Variants in ABLIM1 observed in about 807,000 individuals in gnomAD.
ABLIM1 encodes the protein actin binding LIM protein 1, also known as actin-binding LIM protein 1.
ABLIM1 carries 40 observed loss-of-function variants against 107.0 expected under a neutral mutation model. That is an observed-to-expected ratio of 0.37 (90% CI 0.29 to 0.49). The LOEUF is 0.49. Ranked by LOEUF, ABLIM1 falls within the 20% of genes least tolerant of loss-of-function variation. The probability of loss-of-function intolerance (pLI) is 0.97; values close to 1 mark genes in which losing one functional copy is unlikely to be tolerated. For missense variants in ABLIM1, 857 were observed against 1,008.5 expected, an observed-to-expected ratio of 0.85 and a Z score of 2.04; for synonymous variants, 357 against 357.3, an observed-to-expected ratio of 1.00 and a Z score of 0.01.
At chr10:114,675,170 G>T (rs1452245107) in intron 1 of ABLIM1, among the ~76,000 whole-genome samples, 1 of 152,006 alleles carries the variant, frequency 6.6e-6, no homozygotes, top group Non-Finnish European at 1.5e-5. Context: ...TGTCATCATT[G>T]GGTAGAGAGC....
intron 1 of ABLIM1, among the ~76,000 whole-genome samples, chr10:114,766,143 C>A (rs922092788): frequency 6.6e-6 from 1 of 152,178 alleles, no homozygotes; most frequent in Non-Finnish European, 1.5e-5. Context: ...AACCTCAATT[C>A]CTTCATCTGT....
chr10:114,439,210 C>T lies in ABLIM1; in HGVS notation c.2108G>A (p.Arg703Gln), dbSNP rs780339538. Residue 703 changes from arginine to glutamine, a missense_variant, in exon 21 of 23, where the codon CGA becomes CAA. Physicochemically the swap from Arg to Gln is conservative, Grantham distance 43. Coordinates refer to ENST00000533213, the MANE Select transcript of ABLIM1 (RefSeq NM_002313.7). ...CAACATGTTGGGCATAGACACTCCT[C>T]GGTCCATTCTCATTGCAGGCATGTG... The part of the protein sequence containing the change: ...DGHMPAMRMD[R>Q]GVSMPNMLEP... 6.2e-6 allele frequency: 10 copies of T among 1,614,116 alleles called. No homozygotes were observed. The highest frequency in any genetic ancestry group is 2.2e-5 in the East Asian group (1 of 44,896).
intron 6 of ABLIM1, among the ~76,000 whole-genome samples, chr10:114,494,134 T>TA (rs967618104): frequency 1.3e-5 from 2 of 152,138 alleles, no homozygotes; most frequent in African/African-American, 4.8e-5. Context: ...ATGATAAAGG[T>TA]AATGGTTCAA....
chr10:114,684,180 G>T, intron 1 of ABLIM1: 1 of 1,104,330 alleles, frequency 9.1e-7, no homozygotes, highest in Non-Finnish European at 1.3e-6. Flanking sequence ...ATTATCATAA[G>T]TGTAAAACAA....
At position 114,432,947 on chromosome 10, in the gene ABLIM1, A is replaced by G. The variant is rs2059009776; in HGVS notation, c.*3313T>C. 6.6e-6 allele frequency: 1 copy of G among 152,208 alleles called. No individual in the cohort carries two copies. Among genetic ancestry groups the G allele is most frequent in the Admixed American group, 6.5e-5 (1 of 15,274 alleles). The allele number at this position is 152,208 out of a possible 1,614,324, so 9.4% of individuals were successfully genotyped here. A position where few individuals can be genotyped will look rare whatever the true frequency, so the allele number is the denominator to read the frequency against. ...CATAGCTAGCTGTGCAAGTTTCCCA[A>G]TGCTCTTCCTATCTCCTAATAAGTC... On this transcript the variant is annotated 3_prime_UTR_variant, in exon 23 of 23. Transcript: ENST00000533213.
In ABLIM1 at chr10:114,657,952, C is replaced by T; in HGVS notation, c.244+5G>A. 1 of 1,604,936 alleles carries T rather than the reference C, an allele frequency of 6.2e-7. No individual in the cohort carries two copies. The highest frequency in any genetic ancestry group is 8.5e-7 in the Non-Finnish European group (1 of 1,173,072). On this transcript the variant is annotated splice_donor_5th_base_variant and intron_variant, in intron 1 of 22. Coordinates refer to ENST00000533213, the MANE Select transcript of ABLIM1 (RefSeq NM_002313.7). The stretch of plus-strand genomic sequence containing the variant: ...ACCATGTCCAGAGAGGGTTATTTTA[C>T]TTACCAAAAGGATCAACGCTGTTAC...
rs777698689 is a variant in ABLIM1 at position 114,473,021 on chromosome 10, T to C, written c.1231A>G (p.Thr411Ala). 3.7e-6 allele frequency: 6 copies of C among 1,611,252 alleles called. No individual in the cohort carries two copies. The African/African-American group carries it at 6.7e-5, about 18-fold the overall frequency. The change falls in exon 10 of 23, where the codon ACT (threonine) becomes GCT (alanine). Residue 411 changes from threonine (T) to alanine (A), a missense_variant. By Grantham distance (58) the Thr-to-Ala change is moderately conservative (BLOSUM62 0). Around this residue, in one of 5 missense-constraint regions of ABLIM1, gnomAD observed 381 missense variants for 506.9 expected, o/e 0.75. Transcript: ENST00000533213. ...TCCTGTTTGTCATCATAGCCCGAAG[T>C]GTAGAAAGGCTCATAGGTAATAAGA... is the stretch of plus-strand genomic sequence containing the variant. ...PDLITYEPFY[T>A]SGYDDKQERQ...
rs78300153 is a variant in ABLIM1 at position 114,496,928 on chromosome 10, T to C, written c.895-5050A>G. The stretch of plus-strand genomic sequence containing the variant: ...CCCTTCTGTTTCATTTCTCCTTACA[T>C]AGGCACCCATGATGGTTCACAGAGA... On this transcript the variant is annotated intron_variant, in intron 6 of 22. Coordinates refer to ENST00000533213, the MANE Select transcript of ABLIM1 (RefSeq NM_002313.7). Among the ~76,000 whole-genome samples the C allele has an allele frequency of 3.9e-5, 6 of 152,148 alleles. No homozygotes were observed. The East Asian group carries it at 9.7e-4, about 25-fold the overall frequency.
At chr10:114,560,443 C>T (rs1486695793) in intron 4 of ABLIM1, among the ~76,000 whole-genome samples, 3 of 152,192 alleles carry the variant, frequency 2.0e-5, no homozygotes, top group Non-Finnish European at 4.4e-5. Flanking sequence ...ACACTGTAGC[C>T]TCCGTAACAT....
chr10:114,545,914 G>C, intron 5 of ABLIM1, among the ~76,000 whole-genome samples: 1 of 125,972 alleles, frequency 7.9e-6, no homozygotes, highest in Non-Finnish European at 1.6e-5. Flanking sequence ...CTGGGTGACA[G>C]CACAAGACCC....
intron 4 of ABLIM1, among the ~76,000 whole-genome samples, chr10:114,552,007 C>T (rs1012841361): frequency 6.6e-6 from 1 of 152,044 alleles, no homozygotes; most frequent in Non-Finnish European, 1.5e-5. Context: ...TAAGGTTAGG[C>T]CTCCTTCCTG....
intron 1 of ABLIM1, among the ~76,000 whole-genome samples, chr10:114,715,425 C>T (rs2141988044): frequency 6.6e-6 from 1 of 152,302 alleles, no homozygotes; most frequent in South Asian, 2.1e-4. Flanking sequence ...GAATCTCCTG[C>T]TCTTTCCTTA....
At chr10:114,523,894 A>G (rs2064182365) in intron 6 of ABLIM1, among the ~76,000 whole-genome samples, 1 of 152,110 alleles carries the variant, frequency 6.6e-6, no homozygotes, top group Admixed American at 6.6e-5. Context: ...GCACTCAGGG[A>G]TCTTTGGTCT....
chr10:114,480,626 T>C (rs571620408), intron 8 of ABLIM1, among the ~76,000 whole-genome samples: 10 of 152,340 alleles, frequency 6.6e-5, no homozygotes, highest in Non-Finnish European at 1.3e-4. Context: ...GAATTATATA[T>C]GGTAGTGATC....
chr10:114,782,803 A>G, the ABLIM1 span, among the ~76,000 whole-genome samples: 1 of 152,144 alleles, frequency 6.6e-6, no homozygotes, highest in East Asian at 1.9e-4. Context: ...ATAAAGCTGA[A>G]GAAAAAAAAT....
chr10:114,647,673 CT>C (rs2079067290), intron 1 of ABLIM1, among the ~76,000 whole-genome samples: 1 of 152,190 alleles, frequency 6.6e-6, no homozygotes, highest in Admixed American at 6.5e-5. Flanking sequence ...AGAATTCTCC[CT>C]CTCCACTTGG....
At chr10:114,496,544 T>C (rs2059694865) in intron 6 of ABLIM1, among the ~76,000 whole-genome samples, 1 of 152,146 alleles carries the variant, frequency 6.6e-6, no homozygotes, top group Non-Finnish European at 1.5e-5. Context: ...AGCTAAGGCA[T>C]GCTGGGCTTA....
At chr10:114,622,247 CTTTTTT>C (rs71007483) in intron 1 of ABLIM1, among the ~76,000 whole-genome samples, 4 of 136,570 alleles carry the variant, frequency 2.9e-5, no homozygotes, top group Non-Finnish European at 6.3e-5. Flanking sequence ...TTTTCTTTTT[CTTTTTT>C]TTTTTTTTTT....
chr10:114,439,553 TTTC>T (rs2059907899), intron 20 of ABLIM1: 1 of 463,460 alleles, frequency 2.2e-6, no homozygotes, highest in Non-Finnish European at 3.9e-6. Flanking sequence ...TTATTGTTAG[TTTC>T]TTATCTTTAA....
Sources: allele counts gnomAD v4.1 joint callset (sites outside exome capture counted in the v4.1 genomes callset), GRCh38; gene constraint gnomAD v4.1.1; regional missense constraint gnomAD v4.1.1; transcripts MANE v1.5; gene names NCBI Gene and HGNC (gene_info 2026-07-23, HGNC 2026-07-21).